Variants in PAAF1 observed in about 807,000 individuals in gnomAD.
PAAF1 encodes proteasomal ATPase associated factor 1.
PAAF1 carries 46 observed loss-of-function variants against 52.8 expected under a neutral mutation model. The ratio of observed to expected loss-of-function variants is 0.87; its 90% CI spans 0.69 to 1.11. The LOEUF (loss-of-function observed/expected upper bound fraction) is 1.11, where lower values mean the gene tolerates loss of function less well. Ranked by LOEUF, PAAF1 falls within the 50% of genes most tolerant of loss-of-function variation. The pLI, the probability that PAAF1 is intolerant of heterozygous loss-of-function variation, is 0.00. For missense variants in PAAF1, 424 were observed against 477.4 expected (o/e 0.89, Z 1.04); for synonymous variants, 178 against 172.8 (o/e 1.03, Z -0.24).
intron 3 of PAAF1, 47 bp from the exon 4 acceptor site, chr11:73,891,065 A>G (rs1300810839): frequency 9.0e-7 from 1 of 1,111,420 alleles, no homozygotes; most frequent in East Asian, 2.4e-5. Context: ...ATTATAATAC[A>G]TTGGAGGAGT....
At chr11:73,896,848 G>A (rs1949385847) in intron 4 of PAAF1, among the ~76,000 whole-genome samples, 1 of 151,572 alleles carries the variant, frequency 6.6e-6, no homozygotes, top group South Asian at 2.1e-4. Context: ...CGGGCAGAGG[G>A]GCTCCTCACT....
At chr11:73,885,458 T>G (rs1949036104) in intron 2 of PAAF1, among the ~76,000 whole-genome samples, 1 of 151,984 alleles carries the variant, frequency 6.6e-6, no homozygotes, top group African/African-American at 2.4e-5. Flanking sequence ...CTTTTATTCT[T>G]GATATGCTCC....
intron 2 of PAAF1, among the ~76,000 whole-genome samples, chr11:73,883,075 AT>A (rs762873945): frequency 2.0e-5 from 3 of 151,578 alleles, no homozygotes; most frequent in East Asian, 3.9e-4. Context: ...AATTTTTTAA[AT>A]TTTTTGTAGA....
chr11:73,903,764 G>T (rs1565140259), intron 6 of PAAF1, among the ~76,000 whole-genome samples: 1 of 150,440 alleles, frequency 6.6e-6, no homozygotes, highest in Non-Finnish European at 1.5e-5. Flanking sequence ...TTTGTTCAGA[G>T]CCATGAACCC....
At chr11:73,889,652 C>T (rs1286482879) in intron 3 of PAAF1, among the ~76,000 whole-genome samples, 1 of 152,194 alleles carries the variant, frequency 6.6e-6, no homozygotes, top group East Asian at 1.9e-4. Flanking sequence ...CTTCTGAGAG[C>T]AAATCCAATT....
chr11:73,924,541 A>C, intron 10 of PAAF1, 74 bp from the exon 11 acceptor site: 1 of 1,270,012 alleles, frequency 7.9e-7, no homozygotes, highest in Non-Finnish European at 1.1e-6. Flanking sequence ...TACAGAAGCA[A>C]ATAAAAATAC....
intron 11 of PAAF1, 84 bp from the exon 12 acceptor site, chr11:73,927,201 T>A (rs1950385472): frequency 1.0e-6 from 1 of 971,124 alleles, no homozygotes. Flanking sequence ...TCCATGGGAC[T>A]AGTGTGTGTC....
intron 7 of PAAF1, among the ~76,000 whole-genome samples, chr11:73,913,400 G>A (rs1214903224): frequency 6.6e-6 from 1 of 152,050 alleles, no homozygotes; most frequent in East Asian, 1.9e-4. Context: ...TTCAAGACTA[G>A]CCTGGGCAAT....
chr11:73,918,461 GCTTT>G (rs962286006), intron 9 of PAAF1, among the ~76,000 whole-genome samples: 24 of 135,096 alleles, frequency 1.8e-4, no homozygotes, highest in African/African-American at 5.8e-4. Context: ...TTCTCACTCA[GCTTT>G]CTCTTTCTTT....
rs1288371809 is a variant in PAAF1, at chr11:73,897,488, G to A, written c.283-1658G>A. On this transcript the variant is annotated intron_variant, in intron 4 of 11. Transcript: ENST00000310571. Reference sequence around the variant, plus strand: ...TCAGACGGGGCGGCCGGGCAGAGACGCTCCTCACATCCCGGACAGGGTGGC... The same window carrying A: ...TCAGACGGGGCGGCCGGGCAGAGACACTCCTCACATCCCGGACAGGGTGGC... 1.5e-3 allele frequency among the ~76,000 whole-genome samples: 220 copies of A among 151,200 alleles called. 3 individuals carry two copies. The highest frequency in any genetic ancestry group is 9.4e-3 in the South Asian group (45 of 4,766).
At chr11:73,893,539 C>T (rs1949255523) in intron 4 of PAAF1, among the ~76,000 whole-genome samples, 2 of 151,668 alleles carry the variant, frequency 1.3e-5, no homozygotes, top group South Asian at 4.2e-4. Flanking sequence ...GAGTTCAAGA[C>T]CAGCCTGGAC....
At chr11:73,900,905 C>G (rs1949587931) in intron 6 of PAAF1, among the ~76,000 whole-genome samples, 1 of 147,194 alleles carries the variant, frequency 6.8e-6, no homozygotes, top group South Asian at 2.1e-4. Flanking sequence ...TGGCGTGAAC[C>G]CGGGAGGCGG....
chr11:73,878,338 C>A (rs1948804160), intron 1 of PAAF1, among the ~76,000 whole-genome samples: 1 of 152,174 alleles, frequency 6.6e-6, no homozygotes. Context: ...AGACCCTTTC[C>A]ATTATACCCT....
intron 2 of PAAF1, among the ~76,000 whole-genome samples, chr11:73,885,732 C>T (rs1399270504): frequency 6.6e-6 from 1 of 151,056 alleles, no homozygotes; most frequent in East Asian, 2.0e-4. Flanking sequence ...ATCCCAGGTA[C>T]TTGGGAGGCT....
chr11:73,884,960 C>T (rs1186020027), intron 2 of PAAF1, among the ~76,000 whole-genome samples: 6 of 144,910 alleles, frequency 4.1e-5, no homozygotes, highest in South Asian at 2.2e-4. Flanking sequence ...CCCGGGTTCA[C>T]GCCATTCTCC....
chr11:73,906,020 T>A (rs1035942717), intron 6 of PAAF1, among the ~76,000 whole-genome samples: 1 of 152,210 alleles, frequency 6.6e-6, no homozygotes, highest in African/African-American at 2.4e-5. Flanking sequence ...TTTTGCTGAA[T>A]GTATTATGGA....
intron 2 of PAAF1, among the ~76,000 whole-genome samples, chr11:73,882,603 C>T (rs116388544): frequency 0.085 from 12,951 of 151,632 alleles, 658 homozygotes; most frequent in South Asian, 0.26. Context: ...TGCGCCACCA[C>T]GCCTGGCTAA....
chr11:73,908,355 A>T (rs949595767), intron 6 of PAAF1, among the ~76,000 whole-genome samples: 2 of 143,972 alleles, frequency 1.4e-5, no homozygotes, highest in African/African-American at 5.1e-5. Flanking sequence ...ATGTGTATAT[A>T]TGTGTGTATA....
At chr11:73,883,101 A>G (rs183630096) in intron 2 of PAAF1, among the ~76,000 whole-genome samples, 70 of 151,674 alleles carry the variant, frequency 4.6e-4, no homozygotes, top group Non-Finnish European at 7.5e-4. Flanking sequence ...AGGTCTCACT[A>G]TGTTGCCCAG....
Sources: gnomAD v4.1 joint callset for allele counts (sites outside exome capture counted in the v4.1 genomes callset) on GRCh38, gnomAD v4.1.1 for gene constraint, MANE v1.5 for transcripts, NCBI Gene and HGNC (gene_info 2026-07-23, HGNC 2026-07-21) for gene names.